The following GABRG3 variants were observed in gnomAD, a reference collection of about 807,000 sequenced individuals.
GABRG3 encodes gamma-aminobutyric acid receptor subunit gamma-3.
In GABRG3, 25 loss-of-function variants were observed where a neutral mutation model predicts 48.8. The ratio of observed to expected loss-of-function variants is 0.51; its 90% CI spans 0.37 to 0.72. The LOEUF is 0.72. Ranked by LOEUF, GABRG3 falls within the 30% of genes least tolerant of loss-of-function variation. GABRG3 has a pLI of 0.00. For synonymous variants in GABRG3, 227 were observed against 217.6 expected, an observed-to-expected ratio of 1.04 and a Z score of -0.38; for missense variants, 394 against 577.9, an observed-to-expected ratio of 0.68 and a Z score of 3.26.
intron 3 of GABRG3, among the ~76,000 whole-genome samples, chr15:27,164,539 C>G (rs1339031358): frequency 6.6e-6 from 1 of 152,038 alleles, no homozygotes; most frequent in Non-Finnish European, 1.5e-5. Flanking sequence ...GGAATCAAAG[C>G]TTCACCCTTG....
chr15:27,532,512 G>GATGTA, intron 9 of GABRG3, 88 bp from the exon 10 acceptor site: 2 of 1,271,302 alleles, frequency 1.6e-6, no homozygotes, highest in Non-Finnish European at 2.2e-6. Context: ...ATAGGAGACA[G>GATGTA]ATGTAATATG....
chr15:27,152,007 ATGAAG>A (rs1898325329), intron 3 of GABRG3, among the ~76,000 whole-genome samples: 1 of 152,164 alleles, frequency 6.6e-6, no homozygotes, highest in South Asian at 2.1e-4. Context: ...TTTAATTTTG[ATGAAG>A]TCTAACCTGA....
chr15:27,342,929 A>G (rs1461527857), intron 5 of GABRG3, among the ~76,000 whole-genome samples: 2 of 152,212 alleles, frequency 1.3e-5, no homozygotes, highest in Admixed American at 1.3e-4. Context: ...CACAAGGTAC[A>G]GGGCTGGTTC....
chr15:27,109,477 T>C (rs1897507046), intron 3 of GABRG3, among the ~76,000 whole-genome samples: 2 of 152,360 alleles, frequency 1.3e-5, no homozygotes, highest in South Asian at 4.1e-4. Context: ...CCCTGTGTTC[T>C]ACCTAGGCAT....
At chr15:27,253,544 C>A (rs1653985313) in intron 3 of GABRG3, among the ~76,000 whole-genome samples, 1 of 152,238 alleles carries the variant, frequency 6.6e-6, no homozygotes, top group South Asian at 2.1e-4. Flanking sequence ...AGTATTGATG[C>A]CTTCTACTGT....
rs962834119 is a variant in GABRG3, at chr15:27,095,212, C to G, written c.270+68391C>G. ...ACCGTCATGTCAGCAGCAAACAGCT[C>G]AGGCCCCTGTGTGGCTGGCTCTTGG... On this transcript the variant is annotated intron_variant, in intron 3 of 9. Transcript: ENST00000615808. Among the ~76,000 whole-genome samples, 9 of 152,210 alleles carry G rather than the reference C, an allele frequency of 5.9e-5. 1 individual carries two copies. The highest frequency in any genetic ancestry group is 5.9e-4 in the Admixed American group (9 of 15,280).
intron 3 of GABRG3, among the ~76,000 whole-genome samples, chr15:27,066,252 T>C (rs1896736106): frequency 6.6e-6 from 1 of 152,196 alleles, no homozygotes; most frequent in African/African-American, 2.4e-5. Flanking sequence ...ATACTAACAG[T>C]GTATCTTTTA....
chr15:27,128,099 C>CAGGGAT (rs1897852884), intron 3 of GABRG3, among the ~76,000 whole-genome samples: 1 of 149,020 alleles, frequency 6.7e-6, no homozygotes, highest in Non-Finnish European at 1.5e-5. Flanking sequence ...TGGTGGCTCA[C>CAGGGAT]GCCTGTAATC....
At chr15:27,398,493 T>C (rs1887381808) in intron 5 of GABRG3, among the ~76,000 whole-genome samples, 1 of 152,210 alleles carries the variant, frequency 6.6e-6, no homozygotes, top group Non-Finnish European at 1.5e-5. Flanking sequence ...AAAAGTCCTT[T>C]GAAGAAAATA....
At chr15:27,066,636 GCAGGTATTA>G (rs1010949318) in intron 3 of GABRG3, among the ~76,000 whole-genome samples, 41 of 152,250 alleles carry the variant, frequency 2.7e-4, no homozygotes, top group African/African-American at 9.6e-4. Context: ...TAGTCTGAGA[GCAGGTATTA>G]CAGAATGTGT....
chr15:27,459,856 C>G (rs781517292), intron 5 of GABRG3, among the ~76,000 whole-genome samples: 1 of 152,162 alleles, frequency 6.6e-6, no homozygotes, highest in Non-Finnish European at 1.5e-5. Flanking sequence ...TTCTTGCTAG[C>G]AAGTGTAACT....
At chr15:27,098,395 C>T (rs949051306) in intron 3 of GABRG3, among the ~76,000 whole-genome samples, 15 of 152,170 alleles carry the variant, frequency 9.9e-5, no homozygotes, top group African/African-American at 3.4e-4. Flanking sequence ...GAGCGCACCA[C>T]TGCACTCCAG....
intron 3 of GABRG3, among the ~76,000 whole-genome samples, chr15:27,167,421 T>C (rs1411387915): frequency 2.0e-5 from 3 of 152,126 alleles, no homozygotes; most frequent in Non-Finnish European, 1.5e-5. Flanking sequence ...AAAACCAAAA[T>C]TAAAACCAAG....
chr15:27,122,060 C>G (rs1352191303), intron 3 of GABRG3, among the ~76,000 whole-genome samples: 1 of 152,134 alleles, frequency 6.6e-6, no homozygotes, highest in Non-Finnish European at 1.5e-5. Flanking sequence ...AAGAGGGTAA[C>G]TTTAGTCAAA....
chr15:27,328,196 G>C (rs28519469), intron 4 of GABRG3, among the ~76,000 whole-genome samples: 1 of 151,752 alleles, frequency 6.6e-6, no homozygotes, highest in Non-Finnish European at 1.5e-5. Context: ...GGAGTTTGTA[G>C]AAGTTGTCTC....
chr15:27,157,181 A>T (rs911802300), intron 3 of GABRG3, among the ~76,000 whole-genome samples: 5 of 152,244 alleles, frequency 3.3e-5, no homozygotes, highest in Non-Finnish European at 2.9e-5. Context: ...CTGGAATGGA[A>T]GATTGGGAAC....
Position 27,532,712 on chromosome 15 carries a change from AAG to A in GABRG3, c.1237_1238del (p.Asp413LeufsTer9). The A allele has an allele frequency of 6.2e-7, 1 of 1,614,026 alleles. No homozygotes were observed. The highest frequency in any genetic ancestry group is 8.5e-7 in the Non-Finnish European group (1 of 1,179,884). ...TGTGTCTATGAGTGTCTGGATGGCAAAGACTGTCAGAGCTTCTTCTGCTGCTA... is the reference window on the plus strand; with the variant it reads ...TGTGTCTATGAGTGTCTGGATGGCAAACTGTCAGAGCTTCTTCTGCTGCTA... On this transcript the variant is annotated frameshift_variant, in exon 10 of 10. Coordinates refer to ENST00000615808, the MANE Select transcript of GABRG3 (RefSeq NM_033223.5). LOFTEE classifies it high-confidence loss of function.
At chr15:27,508,765 G>A (rs556313452) in intron 6 of GABRG3, among the ~76,000 whole-genome samples, 2 of 152,120 alleles carry the variant, frequency 1.3e-5, no homozygotes, top group African/African-American at 2.4e-5. Flanking sequence ...CCAGGCTGGA[G>A]TACAGTGGCG....
At chr15:27,149,668 C>T (rs768006688) in intron 3 of GABRG3, among the ~76,000 whole-genome samples, 3 of 152,102 alleles carry the variant, frequency 2.0e-5, no homozygotes, top group African/African-American at 7.2e-5. Context: ...ATTGAACATC[C>T]AGAAATAAAC....
Sources: allele counts gnomAD v4.1 joint callset (sites outside exome capture counted in the v4.1 genomes callset), GRCh38; gene constraint gnomAD v4.1.1; transcripts MANE v1.5; gene names NCBI Gene and HGNC (gene_info 2026-07-23, HGNC 2026-07-21).